SPDYE12: variants seen among roughly 807,000 people sequenced by gnomAD.
SPDYE12 encodes the protein speedy protein E12.
At chr7:74,907,981 T>C in the SPDYE12 span, among the ~76,000 whole-genome samples, 3 of 150,050 alleles carry the variant, frequency 2.0e-5, no homozygotes, top group African/African-American at 7.3e-5. Flanking sequence ...TCTACAGGCA[T>C]CTAGTCTAAT....
the SPDYE12 span, among the ~76,000 whole-genome samples, chr7:74,907,460 G>C: frequency 6.6e-6 from 1 of 151,284 alleles, no homozygotes; most frequent in South Asian, 2.1e-4. Flanking sequence ...CACCAGACGC[G>C]GTGGCTCATG....
chr7:74,909,832 G>A, the SPDYE12 span, among the ~76,000 whole-genome samples: 1 of 149,026 alleles, frequency 6.7e-6, no homozygotes, highest in Non-Finnish European at 1.5e-5. Context: ...TCCCAGGATG[G>A]TGGGCTCCGA....
the SPDYE12 span, among the ~76,000 whole-genome samples, chr7:74,908,848 A>AT: frequency 3.8e-4 from 53 of 139,818 alleles, 1 homozygote; most frequent in African/African-American, 1.2e-3. Context: ...TAATTTTTGT[A>AT]TTTTTTTTTT....
At chr7:74,909,077 A>G in the SPDYE12 span, among the ~76,000 whole-genome samples, 14 of 113,694 alleles carry the variant, frequency 1.2e-4, no homozygotes, top group East Asian at 5.2e-4. Context: ...TTTTTGAGAA[A>G]AAGTCTCACT....
chr7:74,904,809 CAT>C, the SPDYE12 span, among the ~76,000 whole-genome samples: 18 of 136,596 alleles, frequency 1.3e-4, 1 homozygote, highest in East Asian at 4.0e-4. Flanking sequence ...AATAAATAAA[CAT>C]ATTTAATAAA....
the SPDYE12 span, chr7:74,909,489 A>T: frequency 7.2e-7 from 1 of 1,394,792 alleles, no homozygotes; most frequent in Non-Finnish European, 1.0e-6. Flanking sequence ...AGGGCATTGG[A>T]TATTGATGGA....
chr7:74,909,657 G>C, the SPDYE12 span: 7 of 1,546,334 alleles, frequency 4.5e-6, 1 homozygote, highest in Non-Finnish European at 5.4e-6. Context: ...TCTTGGGAGA[G>C]GAAGATTGTG....
At chr7:74,909,041 TTTTTTTTTTGGC>T in the SPDYE12 span, among the ~76,000 whole-genome samples, 1 of 145,756 alleles carries the variant, frequency 6.9e-6, no homozygotes, top group African/African-American at 2.5e-5. Context: ...TGGTTTTTTT[TTTTTTTTTTGGC>T]TTTTTTTTTT....
chr7:74,909,689 G>A, the SPDYE12 span: 1 of 1,571,156 alleles, frequency 6.4e-7, no homozygotes, highest in African/African-American at 1.3e-5. Context: ...ATGGGGGTCT[G>A]GGGAGGGGCT....
chr7:74,909,053 C>CTTT, the SPDYE12 span, among the ~76,000 whole-genome samples: 172 of 46,260 alleles, frequency 3.7e-3, 2 homozygotes, highest in African/African-American at 7.9e-3. Context: ...TTTTTTTTGG[C>CTTT]TTTTTTTTTT....
the SPDYE12 span, among the ~76,000 whole-genome samples, chr7:74,909,042 T>C: frequency 6.9e-6 from 1 of 145,642 alleles, no homozygotes; most frequent in African/African-American, 2.5e-5. Flanking sequence ...GGTTTTTTTT[T>C]TTTTTTTTGG....
the SPDYE12 span, chr7:74,909,387 C>G: frequency 7.0e-7 from 1 of 1,424,142 alleles, no homozygotes; most frequent in African/African-American, 1.4e-5. Context: ...GTCTAAGATA[C>G]TATAATCCTG....
At chr7:74,904,599 T>C in the SPDYE12 span, among the ~76,000 whole-genome samples, 1 of 151,554 alleles carries the variant, frequency 6.6e-6, no homozygotes, top group Non-Finnish European at 1.5e-5. Flanking sequence ...CAGCAGCACG[T>C]GTAATAATAG....
chr7:74,908,658 G>GTT, the SPDYE12 span, among the ~76,000 whole-genome samples: 2 of 65,994 alleles, frequency 3.0e-5, no homozygotes, highest in Non-Finnish European at 6.1e-5. Flanking sequence ...TTTGTTTTTT[G>GTT]TTCTTTTTTT....
At chr7:74,909,053 C>CTTTTTTTTTTTTTTTTTTTGTT in the SPDYE12 span, among the ~76,000 whole-genome samples, 2 of 46,272 alleles carry the variant, frequency 4.3e-5, no homozygotes, top group Non-Finnish European at 8.9e-5. Flanking sequence ...TTTTTTTTGG[C>CTTTTTTTTTTTTTTTTTTTGTT]TTTTTTTTTT....
the SPDYE12 span, among the ~76,000 whole-genome samples, chr7:74,908,947 T>C: frequency 6.7e-6 from 1 of 149,660 alleles, no homozygotes; most frequent in South Asian, 2.1e-4. Flanking sequence ...TCCCAAACTG[T>C]TGAGATTACA....
chr7:74,909,036 T>G, the SPDYE12 span, among the ~76,000 whole-genome samples: 4 of 141,928 alleles, frequency 2.8e-5, no homozygotes, highest in South Asian at 4.3e-4. Context: ...TTGCCTGGTT[T>G]TTTTTTTTTT....
the SPDYE12 span, among the ~76,000 whole-genome samples, chr7:74,909,179 A>G: frequency 4.1e-5 from 6 of 147,690 alleles, 1 homozygote; most frequent in East Asian, 4.0e-4. Context: ...TCAGCCTCCC[A>G]AGTAGCTTGG....
the SPDYE12 span, chr7:74,909,448 A>G: frequency 2.1e-6 from 2 of 953,790 alleles, no homozygotes; most frequent in South Asian, 2.7e-5. Context: ...GAATAAATGA[A>G]AGGCTGGAAT....
Sources: gnomAD v4.1 joint callset for allele counts (sites outside exome capture counted in the v4.1 genomes callset) on GRCh38, gnomAD v4.1.1 for gene constraint, MANE v1.5 for transcripts, NCBI Gene and HGNC (gene_info 2026-07-23, HGNC 2026-07-21) for gene names.